The following RITA1 variants were observed in gnomAD, a reference collection of about 807,000 sequenced individuals.
RITA1 encodes the protein RBPJ-interacting and tubulin-associated protein 1.
A neutral mutation model predicts 8.7 loss-of-function variants in RITA1; 15 were observed. The ratio of observed to expected loss-of-function variants is 1.72; its 90% CI spans 1.15 to 2.65. The LOEUF is 2.65. RITA1 is among the 30% of genes most tolerant of loss of function. The pLI, the probability that RITA1 is intolerant of heterozygous loss-of-function variation, is 0.00. For synonymous variants in RITA1, 145 were observed against 156.2 expected (o/e 0.93, Z 0.53); for missense variants, 330 against 363.8 (o/e 0.91, Z 0.76).
chr12:113,191,644 C>A lies in RITA1; in HGVS notation c.637C>A (p.Pro213Thr). ...CCTGAATGTCCCCAGCACTGGTCATCCAGCCACCAGTGCCCCCCACACAAA... is the reference window on the plus strand; with the variant it reads ...CCTGAATGTCCCCAGCACTGGTCATACAGCCACCAGTGCCCCCCACACAAA... ...THLNVPSTGH[P>T]ATSAPHTNGP... The change falls in exon 4 of 4, where the codon CCA becomes ACA. Residue 213 changes from proline (P) to threonine (T), a missense_variant. Coordinates refer to ENST00000548278, the MANE Select transcript of RITA1 (RefSeq NM_032848.3). This position sits in a 1 kb window ranked among gnomAD's most constrained non-coding sequence, Gnocchi z 4.0. 1 of 1,614,146 alleles carries A rather than the reference C, an allele frequency of 6.2e-7. No individual in the cohort carries two copies. Among genetic ancestry groups the A allele is most frequent in the Non-Finnish European group, 8.5e-7 (1 of 1,180,020 alleles).
At chr12:113,188,787 CTTTT>C (rs760372956) in intron 3 of RITA1, among the ~76,000 whole-genome samples, 2 of 73,192 alleles carry the variant, frequency 2.7e-5, no homozygotes, top group African/African-American at 1.2e-4. Flanking sequence ...CCTTAGTTAC[CTTTT>C]TTTTTTTTTT....
rs989965770 is a variant in RITA1, at chr12:113,185,737, C to G, written c.-481C>G. ...CGCGTCCGCAGTGCTGCTGGCTGCT[C>G]CCTGGTTGCTGGGTGCAAAGTGCTG... On this transcript the variant is annotated 5_prime_UTR_variant, in exon 1 of 4. Transcript: ENST00000548278. The G allele has an allele frequency of 5.2e-6, 3 of 574,414 alleles. No homozygotes were observed. Among genetic ancestry groups the G allele is most frequent in the Middle Eastern group, 4.6e-4 (1 of 2,178 alleles). The allele number at this position is 574,414 out of a possible 1,614,324, so 35.6% of individuals were successfully genotyped here. A position where few individuals can be genotyped will look rare whatever the true frequency, so the allele number is the denominator to read the frequency against.
rs915620197 is a variant in RITA1 at position 113,186,329 on chromosome 12, T to A, written c.-65+13T>A. On this transcript the variant is annotated intron_variant, in intron 2 of 3. Coordinates refer to ENST00000548278, the MANE Select transcript of RITA1 (RefSeq NM_032848.3). The stretch of plus-strand genomic sequence containing the variant: ...CTCTTTGCAGGAGGTAGGCATGGGA[T>A]CCACGCTGGCTGTCATTGCCCCCAC... 1 of 1,380,396 alleles carries A rather than the reference T, an allele frequency of 7.2e-7. No individual in the cohort carries two copies. The highest frequency in any genetic ancestry group is 1.5e-5 in the African/African-American group (1 of 68,606). 85.5% of individuals were successfully genotyped at this position (1,380,396 alleles called of 1,614,324 possible).
At chr12:113,190,859 G>C (rs544053408) in intron 3 of RITA1, among the ~76,000 whole-genome samples, 3 of 152,304 alleles carry the variant, frequency 2.0e-5, no homozygotes, top group African/African-American at 4.8e-5. Context: ...GTAGGAAGGA[G>C]ATAGCCACAA....
rs76390746 is a variant in RITA1, at chr12:113,185,956, C to G, written c.-262C>G. ...CGCGCCCTCACCGACGGGTCCAGAC[C>G]TGGTGGGAAGAAGGTGCGGGGACGG... is the stretch of plus-strand genomic sequence containing the variant. On this transcript the variant is annotated 5_prime_UTR_variant, in exon 1 of 4. Transcript: ENST00000548278. 5.6e-4 allele frequency: 865 copies of G among 1,534,982 alleles called. 5 individuals are homozygous for G. The East Asian group carries it at 0.017, about 31-fold the overall frequency.
chr12:113,187,679 C>G (rs1365282862), intron 3 of RITA1, among the ~76,000 whole-genome samples: 1 of 149,778 alleles, frequency 6.7e-6, no homozygotes, highest in East Asian at 2.0e-4. Context: ...ATCACTTGAG[C>G]CTAGGAGGCA....
intron 3 of RITA1, among the ~76,000 whole-genome samples, chr12:113,190,183 T>C (rs557121439): frequency 2.8e-4 from 42 of 151,104 alleles, no homozygotes; most frequent in Non-Finnish European, 5.3e-4. Flanking sequence ...AATACAAAAA[T>C]TAGCTGGGCA....
chr12:113,186,387 C>A, intron 2 of RITA1, 71 bp downstream of exon 2: 1 of 1,371,708 alleles, frequency 7.3e-7, no homozygotes. Flanking sequence ...GTGCCTGTCT[C>A]CCCTACCACC....
chr12:113,186,162 A>G (rs1017625762), intron 1 of RITA1, 23 bp from the exon 2 acceptor site: 8 of 1,398,382 alleles, frequency 5.7e-6, no homozygotes, highest in South Asian at 1.3e-5. Flanking sequence ...CTCTGGACTC[A>G]GATTTCACTT....
Position 113,191,693 on chromosome 12 carries a change from C to T in RITA1, c.686C>T (p.Ser229Phe). 6.2e-7 allele frequency: 1 copy of T among 1,614,152 alleles called. No homozygotes were observed. The highest frequency in any genetic ancestry group is 8.5e-7 in the Non-Finnish European group (1 of 1,180,032). ...HTNGPQDLRP[S>F]TSGVTFRSPL... ...AATGGGCCTCAGGATCTCAGGCCTT[C>T]CACGTCAGGGGTGACCTTCCGGAGC... is the stretch of plus-strand genomic sequence containing the variant. The change falls in exon 4 of 4, where the codon TCC becomes TTC. Residue 229 changes from serine to phenylalanine, a missense_variant. Physicochemically the swap from Ser to Phe is radical, Grantham distance 155 (BLOSUM62 -2). Coordinates refer to ENST00000548278, the MANE Select transcript of RITA1 (RefSeq NM_032848.3). This position sits in a 1 kb window ranked among gnomAD's most constrained non-coding sequence, Gnocchi z 4.0.
chr12:113,187,757 CAA>C (rs34828582), intron 3 of RITA1, among the ~76,000 whole-genome samples: 2 of 108,420 alleles, frequency 1.8e-5, no homozygotes, highest in African/African-American at 3.7e-5. Flanking sequence ...ACCCTGTCTC[CAA>C]AAAAAAAAAA....
chr12:113,186,990 A>G lies in RITA1; in HGVS notation c.244A>G (p.Thr82Ala). The G allele has an allele frequency of 6.2e-7, 1 of 1,612,246 alleles. No homozygotes were observed. Among genetic ancestry groups the G allele is most frequent in the South Asian group, 1.1e-5 (1 of 90,752 alleles). Reference sequence around the variant, plus strand: ...CTTGGGGGCAAAGGGGAGCTGTGAGACCACCCCCTCAAGGGGCAGCACCCC... The same window carrying G: ...CTTGGGGGCAAAGGGGAGCTGTGAGGCCACCCCCTCAAGGGGCAGCACCCC... ...KALGAKGSCETTPSRGSTPTL... is the reference protein window; with the variant it reads ...KALGAKGSCEATPSRGSTPTL... The change falls in exon 3 of 4, where the codon ACC becomes GCC. Residue 82 changes from threonine (T) to alanine (A), a missense_variant. Physicochemically the swap from Thr to Ala is moderately conservative, Grantham distance 58 (BLOSUM62 0). Coordinates refer to ENST00000548278, the MANE Select transcript of RITA1 (RefSeq NM_032848.3).
At position 113,191,350 on chromosome 12, in the gene RITA1, T is replaced by C; in HGVS notation, c.343T>C (p.Phe115Leu). ...HTPSYCDESL[F>L]GSRSEGASFG... ...CCCGTCTTACTGTGATGAGTCGCTG[T>C]TTGGCTCCCGATCTGAAGGCGCCAG... Residue 115 changes from phenylalanine (F) to leucine (L), a missense_variant, in exon 4 of 4, where the codon TTT (phenylalanine) becomes CTT (leucine). By Grantham distance (22) the Phe-to-Leu change is conservative. Coordinates refer to ENST00000548278, the MANE Select transcript of RITA1 (RefSeq NM_032848.3). The surrounding 1 kb of genome is among the most constrained non-coding windows in gnomAD (Gnocchi z 4.0). The C allele has an allele frequency of 1.3e-6, 2 of 1,572,370 alleles. No individual in the cohort carries two copies. Among genetic ancestry groups the C allele is most frequent in the Non-Finnish European group, 8.6e-7 (1 of 1,157,834 alleles).
In RITA1 at chr12:113,191,273, A is replaced by G; in HGVS notation, c.303-37A>G. ...CTGTTAAAGTTTTGAGGGGTTGTTC[A>G]TCCCCCAGCTCATGGCGTTTATCTT... is the stretch of plus-strand genomic sequence containing the variant. On this transcript the variant is annotated intron_variant, in intron 3 of 3. Coordinates refer to ENST00000548278, the MANE Select transcript of RITA1 (RefSeq NM_032848.3). The surrounding 1 kb of genome is among the most constrained non-coding windows in gnomAD (Gnocchi z 4.0). The G allele has an allele frequency of 6.7e-7, 1 of 1,493,688 alleles. No homozygotes were observed. The highest frequency in any genetic ancestry group is 8.9e-7 in the Non-Finnish European group (1 of 1,124,962). 92.5% of individuals were successfully genotyped at this position (1,493,688 alleles called of 1,614,324 possible). A position where few individuals can be genotyped will look rare whatever the true frequency, so the allele number is the denominator to read the frequency against.
At chr12:113,186,044 C>G (rs1952532514) in intron 1 of RITA1, 23 bp downstream of exon 1, 1 of 1,535,914 alleles carries the variant, frequency 6.5e-7, no homozygotes, top group Non-Finnish European at 8.7e-7. Flanking sequence ...CCCAAAAATG[C>G]AGGGACCTCG....
chr12:113,190,143 CA>C (rs1375310291), intron 3 of RITA1, among the ~76,000 whole-genome samples: 2 of 151,442 alleles, frequency 1.3e-5, no homozygotes, highest in African/African-American at 4.9e-5. Context: ...GCCTGGCCAA[CA>C]TGGTGAAACC....
Position 113,186,200 on chromosome 12 carries a change from C to G in RITA1, c.-181C>G, listed in dbSNP as rs966279311. 1 of 1,337,748 alleles carries G rather than the reference C, an allele frequency of 7.5e-7. No homozygotes were observed. Among genetic ancestry groups the G allele is most frequent in the African/African-American group, 1.5e-5 (1 of 68,462 alleles). 82.9% of individuals were successfully genotyped at this position (1,337,748 alleles called of 1,614,324 possible). A position where few individuals can be genotyped will look rare whatever the true frequency, so the allele number is the denominator to read the frequency against. ...ACCGTTTTAGCTTTATAGGTGTGAC[C>G]TACACATGTGACTTCACCTCAGTTT... On this transcript the variant is annotated 5_prime_UTR_variant, in exon 2 of 4. Transcript: ENST00000548278.
rs764582812 is a variant in RITA1 at position 113,191,494 on chromosome 12, G to A, written c.487G>A (p.Ala163Thr). 42 of 1,605,948 alleles carry A rather than the reference G, an allele frequency of 2.6e-5. 1 individual carries two copies. The Middle Eastern group carries it at 3.3e-3, about 127-fold the overall frequency. Residue 163 changes from alanine (A) to threonine (T), a missense_variant, in exon 4 of 4, where the codon GCC becomes ACC. Ala to Thr is a moderately conservative substitution (Grantham distance 58). Coordinates refer to ENST00000548278, the MANE Select transcript of RITA1 (RefSeq NM_032848.3). This position sits in a 1 kb window ranked among gnomAD's most constrained non-coding sequence, Gnocchi z 4.0. ...SPRPREAPLR[A>T]IHPAGPSKTE... Reference sequence around the variant, plus strand: ...CCGCCCCAGGGAGGCACCACTGCGAGCCATTCACCCAGCTGGTCCCTCCAA... The same window carrying A: ...CCGCCCCAGGGAGGCACCACTGCGAACCATTCACCCAGCTGGTCCCTCCAA...
Position 113,189,977 on chromosome 12 carries a change from C to T in RITA1, c.303-1333C>T, listed in dbSNP as rs1952582202. Among the ~76,000 whole-genome samples the T allele has an allele frequency of 2.0e-5, 3 of 149,566 alleles. No homozygotes were observed. The Admixed American group carries it at 2.0e-4, about 10-fold the overall frequency. On this transcript the variant is annotated intron_variant, in intron 3 of 3. Transcript: ENST00000548278. The stretch of plus-strand genomic sequence containing the variant: ...ACTTGAGCTCAGGAGTTCGCAGCTG[C>T]AGCGAGCGTCACTGCACTCCAGCCT...
Sources: allele counts gnomAD v4.1 joint callset (sites outside exome capture counted in the v4.1 genomes callset), GRCh38; gene constraint gnomAD v4.1.1; non-coding constraint Gnocchi (gnomAD v3.1); transcripts MANE v1.5; gene names NCBI Gene and HGNC (gene_info 2026-07-23, HGNC 2026-07-21).